The following GCNT1 variants were observed in gnomAD, a reference collection of about 807,000 sequenced individuals.
GCNT1 encodes the protein beta-1,3-galactosyl-O-glycosyl-glycoprotein beta-1,6-N-acetylglucosaminyltransferase.
Under a neutral mutation model 26.2 loss-of-function variants are expected in GCNT1, and 16 were observed. That is an observed-to-expected ratio of 0.61 (90% confidence interval 0.41 to 0.93). GCNT1 has a LOEUF of 0.93. Among genes scored for constraint, GCNT1 ranks in the 40% least tolerant of loss-of-function variants. The pLI, the probability that GCNT1 is intolerant of heterozygous loss-of-function variation, is 0.00. For missense variants in GCNT1, 477 were observed against 526.7 expected (o/e 0.91, Z 0.92); for synonymous variants, 183 against 190.8 (o/e 0.96, Z 0.34).
the GCNT1 span, among the ~76,000 whole-genome samples, chr9:76,401,289 A>G: frequency 6.6e-6 from 1 of 152,162 alleles, no homozygotes; most frequent in African/African-American, 2.4e-5. Flanking sequence ...GGATCTCGCT[A>G]TGTTGCCCAG....
intron 1 of GCNT1, among the ~76,000 whole-genome samples, chr9:76,431,909 G>T (rs1823342710): frequency 6.6e-6 from 1 of 152,150 alleles, no homozygotes; most frequent in Admixed American, 6.6e-5. Context: ...AGGAGTTTGA[G>T]ACCAGCCTGG....
intron 2 of GCNT1, among the ~76,000 whole-genome samples, chr9:76,492,456 C>T (rs562132110): frequency 6.6e-6 from 1 of 151,756 alleles, no homozygotes; most frequent in Non-Finnish European, 1.5e-5. Context: ...GACAGCTGTC[C>T]GGGACAGGAG....
the GCNT1 span, among the ~76,000 whole-genome samples, chr9:76,403,347 G>GT: frequency 6.6e-6 from 1 of 151,980 alleles, no homozygotes; most frequent in Non-Finnish European, 1.5e-5. Context: ...TTTGATTTTT[G>GT]TTTTTTGTTT....
At chr9:76,419,503 C>G (rs976054969), upstream of GCNT1, among the ~76,000 whole-genome samples, 1 of 152,088 alleles carries the variant, frequency 6.6e-6, no homozygotes, top group African/African-American at 2.4e-5. Flanking sequence ...ACCCCCGTCT[C>G]TACGAAAATT....
At chr9:76,490,118 A>T (rs1824691770) in intron 2 of GCNT1, among the ~76,000 whole-genome samples, 1 of 152,206 alleles carries the variant, frequency 6.6e-6, no homozygotes, top group African/African-American at 2.4e-5. Flanking sequence ...AGAGTTTGAA[A>T]GGCGTTGTCT....
upstream of GCNT1, among the ~76,000 whole-genome samples, chr9:76,415,752 CA>C (rs1823127044): frequency 6.6e-6 from 1 of 152,170 alleles, no homozygotes; most frequent in Admixed American, 6.5e-5. Context: ...AAGTTATTGA[CA>C]ACTAATTACA....
At chr9:76,439,381 C>G (rs147031983), upstream of GCNT1, among the ~76,000 whole-genome samples, 951 of 152,064 alleles carry the variant, frequency 6.3e-3, 9 homozygotes, top group African/African-American at 0.021. Flanking sequence ...CGTGGCACCA[C>G]GCCAGGCTAA....
chr9:76,419,671 A>T (rs1823164627), upstream of GCNT1, among the ~76,000 whole-genome samples: 1 of 147,082 alleles, frequency 6.8e-6, no homozygotes, highest in Admixed American at 6.6e-5. Flanking sequence ...AAAATAAAAA[A>T]GAAAGAGAAA....
intron 2 of GCNT1, among the ~76,000 whole-genome samples, chr9:76,487,422 A>G (rs1215560223): frequency 2.0e-5 from 3 of 152,238 alleles, no homozygotes; most frequent in Non-Finnish European, 4.4e-5. Flanking sequence ...CTAGAAGCCA[A>G]CTGAACTTAG....
the GCNT1 span, among the ~76,000 whole-genome samples, chr9:76,400,573 T>C: frequency 6.6e-6 from 1 of 152,230 alleles, no homozygotes; most frequent in Non-Finnish European, 1.5e-5. Flanking sequence ...ATTCTCCCTA[T>C]CACACTCCTC....
intron 2 of GCNT1, among the ~76,000 whole-genome samples, chr9:76,495,427 G>T (rs1194531875): frequency 1.3e-5 from 2 of 152,296 alleles, no homozygotes; most frequent in Admixed American, 1.3e-4. Context: ...AAGATTTATT[G>T]TGAAGAGCAA....
chr9:76,421,136 T>G (rs945421604), intron 1 of GCNT1, among the ~76,000 whole-genome samples: 7 of 152,146 alleles, frequency 4.6e-5, no homozygotes, highest in African/African-American at 1.7e-4. Context: ...ATATTGACAG[T>G]TTTACCATTT....
chr9:76,503,840 A>G lies in GCNT1; in HGVS notation c.*172A>G, dbSNP rs947396688. On this transcript the variant is annotated 3_prime_UTR_variant, in exon 4 of 4. Transcript: ENST00000376730. ...TGGTTTCTGCAGAGCACAGTTAGCT[A>G]GAAAGGTGATAGCATTAAATGTTCA... The G allele has an allele frequency of 6.4e-6, 4 of 624,368 alleles. No homozygotes were observed. Among genetic ancestry groups the G allele is most frequent in the Non-Finnish European group, 1.2e-5 (4 of 344,126 alleles). 38.7% of individuals were successfully genotyped at this position (624,368 alleles called of 1,614,324 possible).
rs754016515 is a variant in GCNT1, at chr9:76,503,513, C to T, written c.1132C>T (p.Arg378Cys). ...PYPPCDGVHV[R>C]SVCIFGAGDL... ...CCCGCCCTGCGATGGAGTCCATGTG[C>T]GCTCAGTGTGCATTTTCGGAGCTGG... The change falls in exon 4 of 4, where the codon CGC becomes TGC. Residue 378 changes from arginine (R) to cysteine (C), a missense_variant. Physicochemically the swap from Arg to Cys is radical, Grantham distance 180. Coordinates refer to ENST00000376730, the MANE Select transcript of GCNT1 (RefSeq NM_001490.5). The T allele has an allele frequency of 2.8e-5, 45 of 1,614,064 alleles. No individual in the cohort carries two copies. The highest frequency in any genetic ancestry group is 6.7e-5 in the Admixed American group (4 of 59,998).
chr9:76,440,096 C>T (rs1485591329), upstream of GCNT1, among the ~76,000 whole-genome samples: 1 of 145,936 alleles, frequency 6.9e-6, no homozygotes, highest in African/African-American at 2.6e-5. Context: ...GAAATTCCGT[C>T]GCAAAAATAA....
At chr9:76,423,688 T>G (rs1260918614) in intron 1 of GCNT1, among the ~76,000 whole-genome samples, 1 of 152,212 alleles carries the variant, frequency 6.6e-6, no homozygotes, top group Non-Finnish European at 1.5e-5. Flanking sequence ...ATGTTACGCT[T>G]TTTTTCTCAA....
At chr9:76,497,404 G>T (rs1293385171) in intron 2 of GCNT1, among the ~76,000 whole-genome samples, 1 of 152,054 alleles carries the variant, frequency 6.6e-6, no homozygotes, top group Non-Finnish European at 1.5e-5. Flanking sequence ...AATTAGGTTG[G>T]TTAATTACAA....
chr9:76,462,550 A>C (rs1470818815), intron 2 of GCNT1, among the ~76,000 whole-genome samples: 2 of 152,192 alleles, frequency 1.3e-5, no homozygotes, highest in East Asian at 3.9e-4. Context: ...AATGACCCCA[A>C]ATGTCTCCAG....
Position 76,480,020 on chromosome 9 carries a change from T to A in GCNT1, c.-290+19843T>A, listed in dbSNP as rs541811084. Among the ~76,000 whole-genome samples the A allele has an allele frequency of 3.4e-3, 523 of 152,350 alleles. 4 individuals are homozygous for A. The highest frequency in any genetic ancestry group is 5.4e-3 in the Non-Finnish European group (367 of 68,038). On this transcript the variant is annotated intron_variant, in intron 2 of 3. Coordinates refer to ENST00000376730, the MANE Select transcript of GCNT1 (RefSeq NM_001490.5). ...ATTTAATTCTTTAATCCATCTTGAATTAATTTTTGTATAAGGTGTAAGGAA... is the reference window on the plus strand; with the variant it reads ...ATTTAATTCTTTAATCCATCTTGAAATAATTTTTGTATAAGGTGTAAGGAA...
Sources: allele counts gnomAD v4.1 joint callset (sites outside exome capture counted in the v4.1 genomes callset), GRCh38; gene constraint gnomAD v4.1.1; transcripts MANE v1.5; gene names NCBI Gene and HGNC (gene_info 2026-07-23, HGNC 2026-07-21).